CNIH3: variants seen among roughly 807,000 people sequenced by gnomAD.
CNIH3 encodes the protein cornichon family AMPA receptor auxiliary protein 3.
A neutral mutation model predicts 24.1 loss-of-function variants in CNIH3; 14 were observed. The observed-to-expected ratio is 0.58, with a 90% CI of 0.38 to 0.91. The LOEUF is 0.91. Ranked by LOEUF, CNIH3 falls within the 40% of genes least tolerant of loss-of-function variation. The pLI is 0.00. For synonymous variants in CNIH3, 68 were observed against 73.8 expected (o/e 0.92, Z 0.40); for missense variants, 178 against 196.8 (o/e 0.90, Z 0.57).
intron 3 of CNIH3, among the ~76,000 whole-genome samples, chr1:224,561,505 G>A (rs1680371986): frequency 6.6e-6 from 1 of 152,122 alleles, no homozygotes; most frequent in Non-Finnish European, 1.5e-5. Flanking sequence ...CACTTTCCCT[G>A]AGCTGCGTCT....
intron 1 of CNIH3, among the ~76,000 whole-genome samples, chr1:224,451,996 CAG>C (rs1458797780): frequency 2.6e-5 from 4 of 152,140 alleles, no homozygotes; most frequent in Non-Finnish European, 4.4e-5. Context: ...TTCAAATTAC[CAG>C]AGTCGCCACG....
At position 224,704,863 on chromosome 1, in the gene CNIH3, A is replaced by G. The variant is rs1212747862; in HGVS notation, c.198+20020A>G. 6.6e-6 allele frequency among the ~76,000 whole-genome samples: 1 copy of G among 152,122 alleles called. No individual in the cohort carries two copies. Among genetic ancestry groups the G allele is most frequent in the East Asian group, 1.9e-4 (1 of 5,192 alleles). On this transcript the variant is annotated intron_variant, in intron 3 of 5. Coordinates refer to ENST00000272133, the MANE Select transcript of CNIH3 (RefSeq NM_152495.2). This position sits in a 1 kb window ranked among gnomAD's most constrained non-coding sequence, Gnocchi z 4.2. ...AGTGGCTCATGCCTGTAATCCCAGC[A>G]CTTTGGGAGACTGAGGTGGGTGGAT...
chr1:224,522,998 C>T (rs1678701981), intron 2 of CNIH3, among the ~76,000 whole-genome samples: 1 of 152,086 alleles, frequency 6.6e-6, no homozygotes, highest in African/African-American at 2.4e-5. Context: ...TTTTGGGGAA[C>T]CTGAGGCAGG....
chr1:224,458,397 T>A lies in CNIH3; in HGVS notation n.203+23535T>A, dbSNP rs1414812575. Reference sequence around the variant, plus strand: ...CTGGCTCACTCCCCGTCCCTCATCCTACCAGGTGTGAGGCTGCCAGGAGCC... The same window carrying A: ...CTGGCTCACTCCCCGTCCCTCATCCAACCAGGTGTGAGGCTGCCAGGAGCC... On this transcript the variant is annotated intron_variant and non_coding_transcript_variant, in intron 1 of 5. Coordinates refer to the CNIH3 transcript ENST00000471578. The surrounding 1 kb of genome is among the most constrained non-coding windows in gnomAD (Gnocchi z 4.3). Among the ~76,000 whole-genome samples, 1 of 152,212 alleles carries A rather than the reference T, an allele frequency of 6.6e-6. No individual in the cohort carries two copies. Among genetic ancestry groups the A allele is most frequent in the Admixed American group, 6.5e-5 (1 of 15,282 alleles).
chr1:224,691,743 T>C (rs1686942652), intron 3 of CNIH3, among the ~76,000 whole-genome samples: 1 of 152,234 alleles, frequency 6.6e-6, no homozygotes, highest in Non-Finnish European at 1.5e-5. Context: ...TTTCATTCTC[T>C]CATTGGGCAG....
intron 1 of CNIH3, among the ~76,000 whole-genome samples, chr1:224,619,182 C>T (rs1683167362): frequency 6.6e-6 from 1 of 152,204 alleles, no homozygotes; most frequent in Non-Finnish European, 1.5e-5. Context: ...AGCAAGTAAC[C>T]AGAAAGAATC....
chr1:224,560,564 G>A lies in CNIH3; in HGVS notation n.451-5635G>A, dbSNP rs376091404. Among the ~76,000 whole-genome samples the A allele has an allele frequency of 3.5e-4, 53 of 152,118 alleles. No homozygotes were observed. The South Asian group carries it at 0.011, about 31-fold the overall frequency. On this transcript the variant is annotated intron_variant and non_coding_transcript_variant, in intron 3 of 5. Coordinates refer to the CNIH3 transcript ENST00000471578. ...CTCCGCCTCCTTTCAGATCAGTGGT[G>A]GCATTAGATTCTCATAGGAGCGTGA... is the stretch of plus-strand genomic sequence containing the variant.
At chr1:224,550,907 T>C (rs1679894329) in intron 3 of CNIH3, among the ~76,000 whole-genome samples, 1 of 139,084 alleles carries the variant, frequency 7.2e-6, no homozygotes, top group Non-Finnish European at 1.5e-5. Flanking sequence ...CCTGTGTCCA[T>C]GTGTTCTCAT....
intron 2 of CNIH3, chr1:224,529,403 A>G (rs1298266238): frequency 6.6e-6 from 1 of 152,250 alleles, no homozygotes; most frequent in Non-Finnish European, 1.5e-5. Flanking sequence ...AATAAAGTAC[A>G]AGAGAAGAAA....
At chr1:224,609,013 T>G (rs1682559964) in intron 3 of CNIH3, among the ~76,000 whole-genome samples, 1 of 152,214 alleles carries the variant, frequency 6.6e-6, no homozygotes, top group East Asian at 1.9e-4. Flanking sequence ...GTTGGGAGAC[T>G]GCCTCTCTCT....
intron 1 of CNIH3, among the ~76,000 whole-genome samples, chr1:224,456,756 AG>A (rs2102975241): frequency 6.6e-6 from 1 of 152,272 alleles, no homozygotes; most frequent in Non-Finnish European, 1.5e-5. Context: ...GTGCCCTCCC[AG>A]GGAAGACATT....
chr1:224,730,392 C>T lies in CNIH3; in HGVS notation c.199-70C>T, dbSNP rs545306705. 4.3e-5 allele frequency: 43 copies of T among 1,000,740 alleles called. 1 individual carries two copies. In the South Asian group the frequency reaches 6.0e-4, roughly 14 times the overall value. The allele number at this position is 1,000,740 out of a possible 1,614,324, so 62.0% of individuals were successfully genotyped here. The stretch of plus-strand genomic sequence containing the variant: ...TGAGAGGCAGTGTCCAGGCAGAAGT[C>T]AGCTGCCATAGAAGCAGGAGTGGCG... On this transcript the variant is annotated intron_variant, in intron 3 of 5. Coordinates refer to ENST00000272133, the MANE Select transcript of CNIH3 (RefSeq NM_152495.2).
intron 1 of CNIH3, among the ~76,000 whole-genome samples, chr1:224,633,087 G>A (rs962099694): frequency 3.3e-5 from 5 of 152,156 alleles, no homozygotes; most frequent in East Asian, 1.9e-4. Flanking sequence ...TTCTCCTGTC[G>A]TGGTTTGTCT....
At chr1:224,605,224 A>G (rs1033477274) in intron 3 of CNIH3, among the ~76,000 whole-genome samples, 12 of 152,200 alleles carry the variant, frequency 7.9e-5, no homozygotes, top group Non-Finnish European at 1.8e-4. Flanking sequence ...TTCAGGCTTT[A>G]AATTGTCTTT....
intron 1 of CNIH3, among the ~76,000 whole-genome samples, chr1:224,644,908 G>A (rs376335614): frequency 6.6e-6 from 1 of 152,212 alleles, no homozygotes; most frequent in African/African-American, 2.4e-5. Context: ...GAGAAGGACA[G>A]TGGCTTCTGT....
intron 1 of CNIH3, among the ~76,000 whole-genome samples, chr1:224,467,129 G>A (rs568041814): frequency 6.6e-6 from 1 of 152,098 alleles, no homozygotes; most frequent in Non-Finnish European, 1.5e-5. Context: ...GGGCTCAAGT[G>A]ATCATCCCAC....
chr1:224,631,157 C>T (rs1275950825), intron 1 of CNIH3, among the ~76,000 whole-genome samples: 1 of 151,934 alleles, frequency 6.6e-6, no homozygotes, highest in Admixed American at 6.6e-5. Context: ...AGTGAGACTC[C>T]ACCTCAAACA....
At chr1:224,533,387 CAAAAA>C (rs146941595) in intron 2 of CNIH3, among the ~76,000 whole-genome samples, 1 of 103,384 alleles carries the variant, frequency 9.7e-6, no homozygotes, top group African/African-American at 3.1e-5. Flanking sequence ...GAACCCGTCT[CAAAAA>C]AAAAAAAAAA....
At position 224,616,546 on chromosome 1, in the gene CNIH3, C is replaced by G. The variant is rs573341717; in HGVS notation, c.-629C>G. The G allele has an allele frequency of 3.9e-5, 38 of 986,800 alleles. No homozygotes were observed. The Admixed American group carries it at 6.1e-4, about 16-fold the overall frequency. The allele number at this position is 986,800 out of a possible 1,614,324, so 61.1% of individuals were successfully genotyped here. On this transcript the variant is annotated 5_prime_UTR_variant, in exon 1 of 6. Coordinates refer to ENST00000272133, the MANE Select transcript of CNIH3 (RefSeq NM_152495.2). ...GGGCGCGCCTCGGAGCGCACGGCTG[C>G]GCTGGAAGCCGCGTCTGGGGCGCAG...
Sources: gnomAD v4.1 joint callset for allele counts (sites outside exome capture counted in the v4.1 genomes callset) on GRCh38, gnomAD v4.1.1 for gene constraint, Gnocchi (gnomAD v3.1) non-coding constraint, MANE v1.5 for transcripts, NCBI Gene and HGNC (gene_info 2026-07-23, HGNC 2026-07-21) for gene names.